The following DLGAP1 variants were observed in gnomAD, a reference collection of about 807,000 sequenced individuals.
The protein encoded by DLGAP1 is disks large-associated protein 1.
In DLGAP1, 11 loss-of-function variants were observed where a neutral mutation model predicts 90.8. That is an observed-to-expected ratio of 0.12 (90% confidence interval 0.08 to 0.20). The LOEUF (loss-of-function observed/expected upper bound fraction) is 0.20. Among genes scored for constraint, DLGAP1 ranks in the 10% least tolerant of loss-of-function variants. The pLI, the probability that DLGAP1 is intolerant of heterozygous loss-of-function variation, is 1.00. For missense variants in DLGAP1, 1,050 were observed against 1,333.8 expected (o/e 0.79, Z 3.31); for synonymous variants, 558 against 540.7 (o/e 1.03, Z -0.44).
At chr18:3,963,346 G>A (rs191077413) in intron 3 of DLGAP1, among the ~76,000 whole-genome samples, 1 of 152,094 alleles carries the variant, frequency 6.6e-6, no homozygotes, top group Non-Finnish European at 1.5e-5. Context: ...CCTTTGTTGA[G>A]AGCACAGTTG....
At chr18:4,312,450 G>A (rs1386908427) in intron 1 of DLGAP1, among the ~76,000 whole-genome samples, 1 of 152,090 alleles carries the variant, frequency 6.6e-6, no homozygotes. Context: ...GTTTATCAGG[G>A]CAGAACCCCA....
intron 5 of DLGAP1, among the ~76,000 whole-genome samples, chr18:3,747,096 A>T (rs1051602111): frequency 2.0e-5 from 3 of 152,152 alleles, no homozygotes; most frequent in African/African-American, 7.2e-5. Context: ...TGTGGCTCAC[A>T]CCTGTAATCC....
intron 7 of DLGAP1, among the ~76,000 whole-genome samples, chr18:3,626,268 G>T (rs573918631): frequency 1.3e-5 from 2 of 150,070 alleles, no homozygotes; most frequent in South Asian, 2.1e-4. Context: ...TCCAGCCTGG[G>T]CTACAGAGTG....
At chr18:3,643,439 G>A (rs1321432588) in intron 7 of DLGAP1, among the ~76,000 whole-genome samples, 3 of 152,002 alleles carry the variant, frequency 2.0e-5, no homozygotes, top group Non-Finnish European at 4.4e-5. Context: ...AGAGACGGGC[G>A]GATCACGAGG....
At chr18:4,133,916 G>T (rs1015715949) in intron 2 of DLGAP1, among the ~76,000 whole-genome samples, 1 of 151,928 alleles carries the variant, frequency 6.6e-6, no homozygotes, top group African/African-American at 2.4e-5. Context: ...CCAAGACCTA[G>T]TGAGAGGCTG....
intron 5 of DLGAP1, among the ~76,000 whole-genome samples, chr18:3,762,058 C>A (rs563332327): frequency 6.6e-6 from 1 of 152,304 alleles, no homozygotes; most frequent in Non-Finnish European, 1.5e-5. Context: ...TAATTCAGTG[C>A]CAGTTTTAAG....
At chr18:4,150,584 C>T (rs1050908803) in intron 2 of DLGAP1, among the ~76,000 whole-genome samples, 3 of 152,152 alleles carry the variant, frequency 2.0e-5, no homozygotes, top group African/African-American at 7.2e-5. Context: ...CAGGCACCTG[C>T]CACCACACCC....
chr18:4,056,108 T>C (rs1442377), intron 2 of DLGAP1, among the ~76,000 whole-genome samples: 142,612 of 152,190 alleles, frequency 0.94, 67,283 homozygotes, highest in Non-Finnish European at 0.99. Flanking sequence ...AAGCAAACAC[T>C]GATGATGAGG....
intron 1 of DLGAP1, among the ~76,000 whole-genome samples, chr18:4,168,784 A>C (rs2076975930): frequency 6.6e-6 from 1 of 152,142 alleles, no homozygotes; most frequent in African/African-American, 2.4e-5. Context: ...GGGTCTTACT[A>C]TGTTGGCCAG....
chr18:3,905,226 G>A (rs951738508), intron 3 of DLGAP1, among the ~76,000 whole-genome samples: 18 of 151,056 alleles, frequency 1.2e-4, no homozygotes, highest in Non-Finnish European at 1.8e-4. Flanking sequence ...AATTAGCTTG[G>A]CATGGTGGCA....
intron 4 of DLGAP1, among the ~76,000 whole-genome samples, chr18:3,871,305 C>A (rs567832670): frequency 6.6e-6 from 1 of 152,156 alleles, no homozygotes; most frequent in African/African-American, 2.4e-5. Context: ...ACAATGTCCG[C>A]ATTGCAGGGA....
At position 3,861,622 on chromosome 18, in the gene DLGAP1, C is replaced by T. The variant is rs16945527; in HGVS notation, c.957+17490G>A. On this transcript the variant is annotated intron_variant, in intron 4 of 12. Coordinates refer to ENST00000315677, the MANE Select transcript of DLGAP1 (RefSeq NM_004746.4). ...GGATGAGATGCCCTGCCCTTCTGCG[C>T]TTGACTTTCTGCCCAGTGCCCCCAC... 9.6e-3 allele frequency among the ~76,000 whole-genome samples: 1,455 copies of T among 152,324 alleles called. 61 individuals carry two copies. The highest frequency in any genetic ancestry group is 0.071 in the East Asian group (367 of 5,166).
At chr18:4,211,253 G>T (rs2077834840) in intron 1 of DLGAP1, among the ~76,000 whole-genome samples, 1 of 152,142 alleles carries the variant, frequency 6.6e-6, no homozygotes, top group Non-Finnish European at 1.5e-5. Flanking sequence ...GTTGAGGGTT[G>T]AGTTACTAAT....
At chr18:4,187,770 G>C (rs2077324628) in intron 1 of DLGAP1, among the ~76,000 whole-genome samples, 1 of 152,134 alleles carries the variant, frequency 6.6e-6, no homozygotes, top group Non-Finnish European at 1.5e-5. Flanking sequence ...GGCTGAGGTA[G>C]GTGGATCGCC....
At chr18:3,937,817 T>C (rs1599186312) in intron 3 of DLGAP1, among the ~76,000 whole-genome samples, 3 of 152,182 alleles carry the variant, frequency 2.0e-5, no homozygotes, top group African/African-American at 7.2e-5. Flanking sequence ...ATAATAGCGA[T>C]TAAGCGTGAG....
At chr18:3,638,449 T>A (rs1274578617) in intron 7 of DLGAP1, among the ~76,000 whole-genome samples, 1 of 152,064 alleles carries the variant, frequency 6.6e-6, no homozygotes, top group African/African-American at 2.4e-5. Context: ...TAGGGTCTTA[T>A]GATATTGCCC....
chr18:4,317,411 A>G (rs576198949), intron 1 of DLGAP1, among the ~76,000 whole-genome samples: 1 of 152,204 alleles, frequency 6.6e-6, no homozygotes, highest in Non-Finnish European at 1.5e-5. Flanking sequence ...CAGATCCATG[A>G]TAATTTTAAG....
At chr18:3,747,921 C>T (rs1036914419) in intron 5 of DLGAP1, among the ~76,000 whole-genome samples, 1 of 152,160 alleles carries the variant, frequency 6.6e-6, no homozygotes, top group African/African-American at 2.4e-5. Context: ...CCATGTGCTC[C>T]GGATGCAGAA....
At chr18:4,337,841 GAA>G (rs1368199396) in intron 1 of DLGAP1, among the ~76,000 whole-genome samples, 1 of 152,010 alleles carries the variant, frequency 6.6e-6, no homozygotes, top group Admixed American at 6.6e-5. Flanking sequence ...TAGCTGAAAT[GAA>G]ATTTCAGCTA....
Sources: allele counts gnomAD v4.1 joint callset (sites outside exome capture counted in the v4.1 genomes callset), GRCh38; gene constraint gnomAD v4.1.1; transcripts MANE v1.5; gene names NCBI Gene and HGNC (gene_info 2026-07-23, HGNC 2026-07-21).